The following CNTNAP5 variants were observed in gnomAD, a reference collection of about 807,000 sequenced individuals.
CNTNAP5 encodes the protein contactin-associated protein-like 5.
CNTNAP5 carries 72 observed loss-of-function variants against 150.2 expected under a neutral mutation model. The ratio of observed to expected loss-of-function variants is 0.48; its 90% CI spans 0.40 to 0.58. The LOEUF (loss-of-function observed/expected upper bound fraction) is 0.58. Among genes scored for constraint, CNTNAP5 ranks in the 20% least tolerant of loss-of-function variants. The pLI is 0.00. For synonymous variants in CNTNAP5, 672 were observed against 619.8 expected (o/e 1.08, Z -1.25); for missense variants, 1,636 against 1,626.2 (o/e 1.01, Z -0.10).
At position 124,843,063 on chromosome 2, in the gene CNTNAP5, C is replaced by A. The variant is rs377725360; in HGVS notation, c.3218-22243C>A. On this transcript the variant is annotated intron_variant, in intron 19 of 23. Transcript: ENST00000682447. ...ATTTTATTCCTCACTATGCCCCCAC[C>A]CTTTCCTGAGTCCCCAAAGTCCATT... Among the ~76,000 whole-genome samples the A allele has an allele frequency of 4.1e-4, 63 of 152,056 alleles. 1 individual carries two copies. The South Asian group carries it at 0.013, about 31-fold the overall frequency.
chr2:124,403,059 A>G (rs183150916), intron 3 of CNTNAP5, among the ~76,000 whole-genome samples: 1 of 152,360 alleles, frequency 6.6e-6, no homozygotes, highest in African/African-American at 2.4e-5. Flanking sequence ...TTCTTAAATT[A>G]GAAAAGAAAA....
intron 11 of CNTNAP5, among the ~76,000 whole-genome samples, chr2:124,598,678 T>G (rs867725463): frequency 0.055 from 8,245 of 148,590 alleles, 160 homozygotes; most frequent in African/African-American, 0.078. Flanking sequence ...CCACCCAGTT[T>G]GAGCTTCCCG....
intron 13 of CNTNAP5, among the ~76,000 whole-genome samples, chr2:124,679,375 A>G (rs1294724872): frequency 1.3e-5 from 2 of 151,852 alleles, no homozygotes; most frequent in Non-Finnish European, 2.9e-5. Flanking sequence ...TAACATCATT[A>G]TCATCTCATC....
At chr2:124,766,328 G>A (rs543235047) in intron 16 of CNTNAP5, among the ~76,000 whole-genome samples, 4 of 151,620 alleles carry the variant, frequency 2.6e-5, no homozygotes, top group African/African-American at 9.7e-5. Flanking sequence ...TGATGTGACT[G>A]CATGAAATAC....
At chr2:124,148,522 A>G (rs1684314542) in intron 1 of CNTNAP5, among the ~76,000 whole-genome samples, 1 of 146,806 alleles carries the variant, frequency 6.8e-6, no homozygotes, top group Non-Finnish European at 1.5e-5. Context: ...TATATAATAT[A>G]TACATATTAT....
chr2:124,317,563 G>A (rs778704674), intron 3 of CNTNAP5, among the ~76,000 whole-genome samples: 4 of 151,802 alleles, frequency 2.6e-5, no homozygotes, highest in Non-Finnish European at 5.9e-5. Flanking sequence ...ATCAAACCAT[G>A]TATTCCAAAT....
intron 19 of CNTNAP5, among the ~76,000 whole-genome samples, chr2:124,850,877 C>A (rs1412466215): frequency 7.2e-5 from 11 of 151,860 alleles, no homozygotes; most frequent in Non-Finnish European, 1.6e-4. Flanking sequence ...AAGGAAAATT[C>A]GATTTATCAA....
At chr2:124,747,587 T>C (rs1680632779) in intron 14 of CNTNAP5, among the ~76,000 whole-genome samples, 1 of 150,656 alleles carries the variant, frequency 6.6e-6, no homozygotes, top group African/African-American at 2.4e-5. Flanking sequence ...TATAAGCATG[T>C]GGTCATACCA....
chr2:124,419,956 C>CTTT (rs1558894052), intron 4 of CNTNAP5, among the ~76,000 whole-genome samples: 1,477 of 83,596 alleles, frequency 0.018, 104 homozygotes, highest in Non-Finnish European at 0.02. Context: ...TTCTTTCTTT[C>CTTT]CTTTTCTCTC....
intron 1 of CNTNAP5, among the ~76,000 whole-genome samples, chr2:124,207,748 C>T (rs1685897167): frequency 6.6e-6 from 1 of 152,094 alleles, no homozygotes; most frequent in Admixed American, 6.6e-5. Context: ...TTAGTGAACA[C>T]AATACAATGT....
intron 3 of CNTNAP5, among the ~76,000 whole-genome samples, chr2:124,396,765 T>G (rs1433079279): frequency 6.6e-6 from 1 of 152,192 alleles, no homozygotes; most frequent in African/African-American, 2.4e-5. Context: ...GAGATAGATC[T>G]TTCTATATAT....
intron 1 of CNTNAP5, among the ~76,000 whole-genome samples, chr2:124,210,945 A>G (rs1685993902): frequency 6.6e-6 from 1 of 152,192 alleles, no homozygotes; most frequent in African/African-American, 2.4e-5. Flanking sequence ...GAAAAGTTAT[A>G]TGAGGTCCAT....
chr2:124,590,684 T>G (rs765826786), intron 11 of CNTNAP5, among the ~76,000 whole-genome samples: 9 of 152,184 alleles, frequency 5.9e-5, no homozygotes, highest in Non-Finnish European at 1.0e-4. Context: ...AAATATGCAG[T>G]CATGTGGTAA....
chr2:124,287,991 G>A (rs1005215978), intron 3 of CNTNAP5, among the ~76,000 whole-genome samples: 1 of 152,236 alleles, frequency 6.6e-6, no homozygotes, highest in Admixed American at 6.5e-5. Context: ...GTGCAATAAC[G>A]CAACCTTGGC....
chr2:124,552,109 G>A (rs536953652), intron 10 of CNTNAP5, among the ~76,000 whole-genome samples: 18 of 152,084 alleles, frequency 1.2e-4, no homozygotes, highest in Non-Finnish European at 2.4e-4. Flanking sequence ...TCAATAGGGG[G>A]CAATAATGAA....
At chr2:124,099,627 G>A (rs968578791) in intron 1 of CNTNAP5, among the ~76,000 whole-genome samples, 1 of 152,162 alleles carries the variant, frequency 6.6e-6, no homozygotes, top group African/African-American at 2.4e-5. Context: ...CTGAAACTGG[G>A]CAATTTATGA....
At chr2:124,138,914 G>A (rs2104613212) in intron 1 of CNTNAP5, among the ~76,000 whole-genome samples, 1 of 151,898 alleles carries the variant, frequency 6.6e-6, no homozygotes, top group Non-Finnish European at 1.5e-5. Context: ...CCCATCAGTA[G>A]CAGCCTTTGC....
intron 13 of CNTNAP5, among the ~76,000 whole-genome samples, chr2:124,685,151 G>T (rs1332374233): frequency 6.6e-6 from 1 of 152,122 alleles, no homozygotes; most frequent in Non-Finnish European, 1.5e-5. Flanking sequence ...AATTGCTTGT[G>T]AGCCGAGACA....
At chr2:124,908,296 G>A (rs1028561435) in intron 22 of CNTNAP5, among the ~76,000 whole-genome samples, 3 of 151,896 alleles carry the variant, frequency 2.0e-5, no homozygotes, top group Admixed American at 1.3e-4. Flanking sequence ...GCTTGAACCT[G>A]GGAGGCAGAG....
Sources: allele counts gnomAD v4.1 joint callset (sites outside exome capture counted in the v4.1 genomes callset), GRCh38; gene constraint gnomAD v4.1.1; transcripts MANE v1.5; gene names NCBI Gene and HGNC (gene_info 2026-07-23, HGNC 2026-07-21).